The following CNGB1 variants were observed in gnomAD, a reference collection of about 807,000 sequenced individuals.
CNGB1 encodes cyclic nucleotide-gated channel beta-1.
Under a neutral mutation model 151.7 loss-of-function variants are expected in CNGB1, and 126 were observed. The observed-to-expected ratio is 0.83, with a 90% CI of 0.72 to 0.96. The LOEUF is 0.96. Among genes scored for constraint, CNGB1 ranks in the 40% least tolerant of loss-of-function variants. CNGB1 has a pLI of 0.00. For missense variants in CNGB1, 1,698 were observed against 1,627.0 expected, an observed-to-expected ratio of 1.04 and a Z score of -0.75; for synonymous variants, 623 against 635.1, an observed-to-expected ratio of 0.98 and a Z score of 0.29.
chr16:57,895,905 AAAT>A (rs1960210088), intron 31 of CNGB1, among the ~76,000 whole-genome samples: 1 of 152,322 alleles, frequency 6.6e-6, no homozygotes, highest in Middle Eastern at 3.4e-3. Flanking sequence ...TTGAGCATCA[AAAT>A]AATGATTGTT....
chr16:57,914,697 G>C (rs1960814299), intron 23 of CNGB1, among the ~76,000 whole-genome samples: 1 of 152,186 alleles, frequency 6.6e-6, no homozygotes, highest in African/African-American at 2.4e-5. Context: ...GCTCTGCCCA[G>C]TGAGTGCCAG....
intron 17 of CNGB1, among the ~76,000 whole-genome samples, chr16:57,926,667 C>T (rs1961198022): frequency 6.6e-6 from 1 of 152,170 alleles, no homozygotes; most frequent in African/African-American, 2.4e-5. Flanking sequence ...CAGCACAGGG[C>T]ACTCTCCTGA....
chr16:57,965,809 A>G (rs548422011), intron 2 of CNGB1, among the ~76,000 whole-genome samples: 1 of 152,304 alleles, frequency 6.6e-6, no homozygotes, highest in East Asian at 1.9e-4. Flanking sequence ...GTGCACATAA[A>G]CATATGTGCA....
intron 17 of CNGB1, among the ~76,000 whole-genome samples, chr16:57,925,960 T>G (rs1315110350): frequency 2.0e-5 from 3 of 152,166 alleles, no homozygotes; most frequent in Non-Finnish European, 2.9e-5. Flanking sequence ...AGTGCTGGGA[T>G]TACCGGCATG....
At chr16:57,950,077 A>G (rs936080920) in intron 13 of CNGB1, among the ~76,000 whole-genome samples, 1 of 152,258 alleles carries the variant, frequency 6.6e-6, no homozygotes, top group Admixed American at 6.5e-5. Flanking sequence ...GAATGTGGAA[A>G]GACCTCAAGG....
At chr16:57,956,723 TTGAA>T (rs796915918) in intron 12 of CNGB1, among the ~76,000 whole-genome samples, 1 of 152,118 alleles carries the variant, frequency 6.6e-6, no homozygotes, top group Non-Finnish European at 1.5e-5. Context: ...TAACTATGTA[TTGAA>T]TGAATGAATG....
At chr16:57,940,389 T>G in intron 14 of CNGB1, 68 bp from the exon 15 acceptor site, 2 of 1,438,506 alleles carry the variant, frequency 1.4e-6, no homozygotes, top group Non-Finnish European at 9.5e-7. Flanking sequence ...TCCCCAGCCC[T>G]GCTGAGGGCC....
chr16:57,923,011 T>A, intron 18 of CNGB1: 1 of 376,378 alleles, frequency 2.7e-6, no homozygotes, highest in South Asian at 2.4e-5. Context: ...CAAGGGGACC[T>A]CTGCCTAGAG....
intron 31 of CNGB1, 86 bp from the exon 32 acceptor site, chr16:57,888,160 G>C: frequency 7.2e-7 from 1 of 1,384,670 alleles, no homozygotes; most frequent in Admixed American, 1.9e-5. Context: ...TTAAGCTGGA[G>C]CTGTGTAGTG....
intron 24 of CNGB1, among the ~76,000 whole-genome samples, chr16:57,912,663 T>C (rs1323405486): frequency 6.6e-6 from 1 of 150,902 alleles, no homozygotes; most frequent in Non-Finnish European, 1.5e-5. Context: ...GTGTTGTGTG[T>C]GTTTGTGTGT....
rs1454014784 is a variant in CNGB1, at chr16:57,958,495, G to A, written c.762-10C>T. ...GACCCATGCCACCAGCCTGCAGGTG[G>A]GAGAGAGTGTGCGGTGTCCAGGTGG... On this transcript the variant is annotated splice_polypyrimidine_tract_variant and intron_variant, in intron 10 of 32. Transcript: ENST00000251102. 1 of 1,613,204 alleles carries A rather than the reference G, an allele frequency of 6.2e-7. No homozygotes were observed. The highest frequency in any genetic ancestry group is 1.3e-5 in the African/African-American group (1 of 74,922).
chr16:57,892,553 T>G (rs1024868915), intron 31 of CNGB1, among the ~76,000 whole-genome samples: 4 of 152,250 alleles, frequency 2.6e-5, no homozygotes, highest in Middle Eastern at 6.8e-3. Context: ...TACATCCTTT[T>G]ACCTCGAAGC....
chr16:57,950,967 G>C (rs1252678048), intron 12 of CNGB1, among the ~76,000 whole-genome samples: 1 of 152,170 alleles, frequency 6.6e-6, no homozygotes. Context: ...TGCAGAGAGA[G>C]CTTGCCCGCT....
intron 32 of CNGB1, among the ~76,000 whole-genome samples, chr16:57,886,722 G>A (rs1453239742): frequency 3.3e-5 from 5 of 150,978 alleles, no homozygotes; most frequent in East Asian, 1.9e-4. Flanking sequence ...AAGGACAGCC[G>A]TGAACAGACA....
intron 16 of CNGB1, among the ~76,000 whole-genome samples, chr16:57,932,930 A>AG (rs368567192): frequency 8.5e-5 from 12 of 141,296 alleles, no homozygotes; most frequent in Non-Finnish European, 1.9e-4. Context: ...GCTTTTGAGA[A>AG]GGGGGGGCGG....
rs147876513 is a variant in CNGB1 at position 57,952,660 on chromosome 16, C to T, written c.875-2120G>A. Among the ~76,000 whole-genome samples the T allele has an allele frequency of 6.6e-3, 996 of 151,880 alleles. 5 individuals carry two copies. Among genetic ancestry groups the T allele is most frequent in the Middle Eastern group, 0.01 (3 of 294 alleles). The stretch of plus-strand genomic sequence containing the variant: ...GGATTACAGGCATGCACCACCACAC[C>T]GGGTTAATGTTTGTATTTTTAGTAG... On this transcript the variant is annotated intron_variant, in intron 12 of 32. Coordinates refer to ENST00000251102, the MANE Select transcript of CNGB1 (RefSeq NM_001297.5).
At chr16:57,922,431 C>CTTTTTTT (rs60969134) in intron 18 of CNGB1, among the ~76,000 whole-genome samples, 6 of 136,540 alleles carry the variant, frequency 4.4e-5, no homozygotes, top group African/African-American at 1.8e-4. Context: ...TTCTTTCTTT[C>CTTTTTTT]TTTTTTTTTT....
In CNGB1 at chr16:57,926,275, C is replaced by T. The variant is rs537666756; in HGVS notation, c.1536-2895G>A. ...CCTCAGCAGAGGTTCCTACTCCAGC[C>T]CCTGAGGGCCAATCAGAGAGCTGGG... On this transcript the variant is annotated intron_variant, in intron 17 of 32. Transcript: ENST00000251102. 2.6e-5 allele frequency among the ~76,000 whole-genome samples: 4 copies of T among 152,258 alleles called. No individual in the cohort carries two copies. The East Asian group carries it at 7.7e-4, about 29-fold the overall frequency.
Position 57,908,034 on chromosome 16 carries a change from G to A in CNGB1, c.2493-3159C>T, listed in dbSNP as rs553497796. Among the ~76,000 whole-genome samples the A allele has an allele frequency of 1.2e-4, 19 of 152,332 alleles. No homozygotes were observed. The East Asian group carries it at 1.4e-3, about 11-fold the overall frequency. The stretch of plus-strand genomic sequence containing the variant: ...CTCTTGAGTAGCTGGAATTACGAGC[G>A]TGTACCACCATGCCCAACTAAGTTT... On this transcript the variant is annotated intron_variant, in intron 25 of 32. Transcript: ENST00000251102.
Sources: allele counts gnomAD v4.1 joint callset (sites outside exome capture counted in the v4.1 genomes callset), GRCh38; gene constraint gnomAD v4.1.1; transcripts MANE v1.5; gene names NCBI Gene and HGNC (gene_info 2026-07-23, HGNC 2026-07-21).